WDFY3: variants seen among roughly 807,000 people sequenced by gnomAD.
The protein encoded by WDFY3 is WD repeat and FYVE domain containing 3, also known as WD repeat and FYVE domain-containing protein 3.
Under a neutral mutation model 409.6 loss-of-function variants are expected in WDFY3, and 66 were observed. The ratio of observed to expected loss-of-function variants is 0.16; its 90% CI spans 0.13 to 0.20. WDFY3 has a LOEUF of 0.20. Among genes scored for constraint, WDFY3 ranks in the 10% least tolerant of loss-of-function variants. WDFY3 has a pLI of 1.00. For synonymous variants in WDFY3, 1,521 were observed against 1,537.1 expected, an observed-to-expected ratio of 0.99 and a Z score of 0.25; for missense variants, 3,031 against 4,298.1, an observed-to-expected ratio of 0.71 and a Z score of 8.24.
chr4:84,899,993 C>A (rs1225413307), intron 2 of WDFY3, among the ~76,000 whole-genome samples: 1 of 152,086 alleles, frequency 6.6e-6, no homozygotes, highest in Non-Finnish European at 1.5e-5. Context: ...AGGCTACATG[C>A]AATGTGACTG....
chr4:84,881,217 T>C (rs1053495801), intron 3 of WDFY3, among the ~76,000 whole-genome samples: 7 of 152,178 alleles, frequency 4.6e-5, no homozygotes, highest in African/African-American at 1.7e-4. Context: ...TCAATCTGTG[T>C]ATTATTCTCT....
chr4:84,801,495 T>C (rs1292413105), intron 17 of WDFY3, among the ~76,000 whole-genome samples, 155 bp downstream of exon 17: 4 of 152,220 alleles, frequency 2.6e-5, no homozygotes, highest in African/African-American at 7.2e-5. Context: ...TATTTGTTTC[T>C]AAGTGCCATA....
In WDFY3 at chr4:84,739,929, A is replaced by G. The variant is rs140014436; in HGVS notation, c.6464+258T>C. Among the ~76,000 whole-genome samples, 11 of 152,298 alleles carry G rather than the reference A, an allele frequency of 7.2e-5. No homozygotes were observed. In the East Asian group the frequency reaches 2.1e-3, roughly 29 times the overall value. ...CAATGGTATATATTTTATTTGCTTT[A>G]AAAGCAAACTTCCTTATATAAGTGA... On this transcript the variant is annotated intron_variant, in intron 39 of 67. Coordinates refer to ENST00000295888, the MANE Select transcript of WDFY3 (RefSeq NM_014991.6).
chr4:84,673,294 G>C (rs1725725882), intron 67 of WDFY3, among the ~76,000 whole-genome samples: 1 of 152,132 alleles, frequency 6.6e-6, no homozygotes, highest in Non-Finnish European at 1.5e-5. Flanking sequence ...AGTGATGTAA[G>C]GCCATTCTAC....
At chr4:84,705,255 C>T in intron 54 of WDFY3, 139 bp downstream of exon 54, 1 of 678,302 alleles carries the variant, frequency 1.5e-6, no homozygotes, top group Non-Finnish European at 2.6e-6. Flanking sequence ...TAATAATCTG[C>T]ATATATGTGT....
intron 13 of WDFY3, among the ~76,000 whole-genome samples, chr4:84,816,443 T>G (rs188572109): frequency 6.6e-6 from 1 of 152,228 alleles, no homozygotes; most frequent in Non-Finnish European, 1.5e-5. Context: ...GTGTTTCAGT[T>G]TACAGTATGT....
chr4:84,801,073 A>C (rs140212105), intron 17 of WDFY3, among the ~76,000 whole-genome samples: 131 of 152,288 alleles, frequency 8.6e-4, no homozygotes, highest in African/African-American at 3.0e-3. Flanking sequence ...TGGGTATGAC[A>C]ATAAAGGTAG....
At chr4:84,743,431 T>A (rs1330666461) in intron 37 of WDFY3, among the ~76,000 whole-genome samples, 2 of 152,182 alleles carry the variant, frequency 1.3e-5, no homozygotes, top group Non-Finnish European at 2.9e-5. Flanking sequence ...AGAATGTTCA[T>A]AGCAGCTGTT....
chr4:84,671,043 C>T lies in WDFY3; in HGVS notation c.*1825G>A, dbSNP rs1158204140. The T allele has an allele frequency of 6.6e-6, 1 of 152,600 alleles. No homozygotes were observed. Among genetic ancestry groups the T allele is most frequent in the African/African-American group, 2.4e-5 (1 of 41,450 alleles). The allele number at this position is 152,600 out of a possible 1,614,324, so 9.5% of individuals were successfully genotyped here. A position where few individuals can be genotyped will look rare whatever the true frequency, so the allele number is the denominator to read the frequency against. ...TGTAATCATAAATAGACTGTAGGCTCAAACCCAGGTAAATAAAGATTTAAA... is the reference window on the plus strand; with the variant it reads ...TGTAATCATAAATAGACTGTAGGCTTAAACCCAGGTAAATAAAGATTTAAA... On this transcript the variant is annotated 3_prime_UTR_variant, in exon 68 of 68. Coordinates refer to ENST00000295888, the MANE Select transcript of WDFY3 (RefSeq NM_014991.6).
chr4:84,692,557 G>A, intron 59 of WDFY3, among the ~76,000 whole-genome samples: 1 of 152,204 alleles, frequency 6.6e-6, no homozygotes, highest in Admixed American at 6.5e-5. Context: ...AAATGAGAAT[G>A]AAATTATGAA....
At chr4:84,742,588 G>A (rs924901921) in intron 37 of WDFY3, among the ~76,000 whole-genome samples, 1 of 152,184 alleles carries the variant, frequency 6.6e-6, no homozygotes. Context: ...CACACAGCAA[G>A]AGGTGTGAGG....
In WDFY3 at chr4:84,718,463, T is replaced by C. The variant is rs781320246; in HGVS notation, c.7713A>G (p.Thr2571=). ...HFYVIDGFTM[T]ATREIRDIET... The stretch of plus-strand genomic sequence containing the variant: ...CAATATCTCTTATTTCCCTGGTTGC[T>C]GTCATGGTAAATCCATCAATCACAT... Residue 2571 remains threonine, a synonymous_variant, in exon 48 of 68, where the codon ACA becomes ACG. Transcript: ENST00000295888. 8.7e-6 allele frequency: 14 copies of C among 1,613,904 alleles called. No individual in the cohort carries two copies. In the African/African-American group the frequency reaches 1.9e-4, roughly 22 times the overall value.
chr4:84,700,006 A>G (rs1372797135), intron 56 of WDFY3, among the ~76,000 whole-genome samples: 1 of 150,940 alleles, frequency 6.6e-6, no homozygotes, highest in Non-Finnish European at 1.5e-5. Flanking sequence ...TTCTATAGGC[A>G]TCTTTTCATT....
intron 16 of WDFY3, 179 bp downstream of exon 16, chr4:84,803,111 A>G (rs1217962047): frequency 8.3e-6 from 5 of 603,874 alleles, no homozygotes; most frequent in Middle Eastern, 7.7e-4. Context: ...TAAAACATAC[A>G]TATCTACCAT....
intron 3 of WDFY3, among the ~76,000 whole-genome samples, chr4:84,875,277 C>T (rs1205589761): frequency 6.6e-6 from 1 of 150,886 alleles, no homozygotes; most frequent in Non-Finnish European, 1.5e-5. Context: ...CACACACACA[C>T]ACACACACAC....
At chr4:84,852,909 C>G (rs1759227758) in intron 4 of WDFY3, among the ~76,000 whole-genome samples, 1 of 152,010 alleles carries the variant, frequency 6.6e-6, no homozygotes. Flanking sequence ...AGGTGCCTGC[C>G]ACCACACTCA....
intron 15 of WDFY3, among the ~76,000 whole-genome samples, chr4:84,807,401 T>A (rs1043942811): frequency 6.6e-6 from 1 of 152,190 alleles, no homozygotes; most frequent in African/African-American, 2.4e-5. Flanking sequence ...ATACCTAATA[T>A]TACTATGCAA....
At chr4:84,840,808 C>T (rs371216573) in intron 6 of WDFY3, among the ~76,000 whole-genome samples, 60 of 151,602 alleles carry the variant, frequency 4.0e-4, no homozygotes, top group African/African-American at 7.7e-4. Context: ...CTCGAATTTC[C>T]GGGCTCAAGC....
intron 3 of WDFY3, among the ~76,000 whole-genome samples, chr4:84,867,919 C>A (rs1228074845): frequency 6.6e-6 from 1 of 151,888 alleles, no homozygotes. Flanking sequence ...GCCTGTAATC[C>A]CAGCACTTTG....
Sources: gnomAD v4.1 joint callset for allele counts (sites outside exome capture counted in the v4.1 genomes callset) on GRCh38, gnomAD v4.1.1 for gene constraint, MANE v1.5 for transcripts, NCBI Gene and HGNC (gene_info 2026-07-23, HGNC 2026-07-21) for gene names.